AKT3: variants seen among roughly 807,000 people sequenced by gnomAD.
AKT3 encodes RAC-gamma serine/threonine-protein kinase.
AKT3 carries 15 observed loss-of-function variants against 65.3 expected under a neutral mutation model. That is an observed-to-expected ratio of 0.23 (90% CI 0.15 to 0.35). AKT3 has a LOEUF of 0.35. Ranked by LOEUF, AKT3 falls within the 10% of genes least tolerant of loss-of-function variation. The pLI is 1.00. For synonymous variants in AKT3, 206 were observed against 183.8 expected, an observed-to-expected ratio of 1.12 and a Z score of -0.98; for missense variants, 243 against 576.5, an observed-to-expected ratio of 0.42 and a Z score of 5.92.
intron 2 of AKT3, among the ~76,000 whole-genome samples, chr1:243,816,251 C>T (rs1158360127): frequency 2.0e-5 from 3 of 152,112 alleles, no homozygotes; most frequent in Non-Finnish European, 1.5e-5. Flanking sequence ...GTTTGAATTG[C>T]TTTTTGAACT....
At chr1:243,783,477 G>T (rs1458067024) in intron 2 of AKT3, among the ~76,000 whole-genome samples, 1 of 152,088 alleles carries the variant, frequency 6.6e-6, no homozygotes, top group Non-Finnish European at 1.5e-5. Flanking sequence ...TCTTCATCTG[G>T]ACTAGGTATA....
At chr1:243,711,599 G>A (rs12143245) in intron 2 of AKT3, among the ~76,000 whole-genome samples, 10,448 of 152,142 alleles carry the variant, frequency 0.069, 490 homozygotes, top group East Asian at 0.18. Flanking sequence ...TACTCCAATT[G>A]TAATAGCTAC....
chr1:243,542,841 T>G (rs938336318), intron 12 of AKT3, among the ~76,000 whole-genome samples: 1 of 152,110 alleles, frequency 6.6e-6, no homozygotes, highest in Non-Finnish European at 1.5e-5. Context: ...AATTTAAAAG[T>G]GCTGCTATAA....
In AKT3 at chr1:243,617,619, C is replaced by T. The variant is rs564482208; in HGVS notation, c.562-2458G>A. Among the ~76,000 whole-genome samples the T allele has an allele frequency of 5.9e-5, 9 of 152,108 alleles. No homozygotes were observed. The South Asian group carries it at 1.9e-3, about 32-fold the overall frequency. ...AGTGGAGGTTATCCACTATTGTCAA[C>T]GGGGCTGTAAGGGAGAACCAATGCT... On this transcript the variant is annotated intron_variant, in intron 6 of 13. Transcript: ENST00000673466.
chr1:243,603,795 A>G (rs1677191917), intron 8 of AKT3, among the ~76,000 whole-genome samples: 2 of 152,102 alleles, frequency 1.3e-5, no homozygotes, highest in African/African-American at 4.8e-5. Context: ...AGGAAATCAT[A>G]TGATACTTCT....
chr1:243,736,636 T>C (rs530196443), intron 2 of AKT3, among the ~76,000 whole-genome samples: 4 of 152,274 alleles, frequency 2.6e-5, no homozygotes, highest in Admixed American at 6.5e-5. Flanking sequence ...AATGGTATTA[T>C]ACAGCAATCT....
chr1:243,850,391 A>G (rs1695728503), upstream of AKT3, among the ~76,000 whole-genome samples: 1 of 150,846 alleles, frequency 6.6e-6, no homozygotes, highest in Non-Finnish European at 1.5e-5. Flanking sequence ...GGAATCGGAT[A>G]TCGGCTACAA....
chr1:243,651,973 G>A (rs1399070526), intron 4 of AKT3, among the ~76,000 whole-genome samples: 8 of 152,066 alleles, frequency 5.3e-5, no homozygotes, highest in South Asian at 4.1e-4. Flanking sequence ...GACTAACAGC[G>A]GATCTCTCTG....
chr1:243,642,606 G>A (rs1170102478), intron 5 of AKT3, among the ~76,000 whole-genome samples: 4 of 152,226 alleles, frequency 2.6e-5, no homozygotes, highest in East Asian at 1.9e-4. Flanking sequence ...ACCACGCCCA[G>A]CCACAGTAAG....
intron 2 of AKT3, among the ~76,000 whole-genome samples, chr1:243,786,880 T>C (rs769502064): frequency 1.5e-4 from 23 of 152,020 alleles, no homozygotes; most frequent in Admixed American, 1.3e-4. Flanking sequence ...GCTCTGCTAC[T>C]GACATGCTAA....
chr1:243,766,219 T>A (rs1003459984), intron 2 of AKT3, among the ~76,000 whole-genome samples: 11 of 152,172 alleles, frequency 7.2e-5, no homozygotes, highest in African/African-American at 2.4e-4. Context: ...TACATATATG[T>A]GCACTGCTCT....
At chr1:243,696,543 T>A (rs938235244) in intron 2 of AKT3, among the ~76,000 whole-genome samples, 7 of 152,022 alleles carry the variant, frequency 4.6e-5, no homozygotes. Context: ...CTATCTGGTA[T>A]TGATTCAGTT....
chr1:243,659,144 T>C (rs183308237), intron 4 of AKT3, among the ~76,000 whole-genome samples: 1 of 152,318 alleles, frequency 6.6e-6, no homozygotes, highest in Admixed American at 6.5e-5. Context: ...TTGAAGACAT[T>C]ATACTAAGGG....
chr1:243,685,352 G>T (rs1024851162), intron 3 of AKT3, among the ~76,000 whole-genome samples: 13 of 152,112 alleles, frequency 8.5e-5, no homozygotes, highest in Non-Finnish European at 1.8e-4. Context: ...GTTAATTTGT[G>T]CATAAAGTGT....
At chr1:243,523,978 T>C (rs145554588) in intron 12 of AKT3, among the ~76,000 whole-genome samples, 58 of 152,328 alleles carry the variant, frequency 3.8e-4, no homozygotes, top group Middle Eastern at 6.8e-3. Context: ...TCAAACATCA[T>C]GGAGAGTACT....
At chr1:243,753,536 T>TA (rs892691554) in intron 2 of AKT3, among the ~76,000 whole-genome samples, 2 of 152,164 alleles carry the variant, frequency 1.3e-5, no homozygotes, top group African/African-American at 2.4e-5. Context: ...CTGTTTTCAA[T>TA]AAAAAACTTC....
chr1:243,515,398 A>C (rs1670286198), intron 12 of AKT3, among the ~76,000 whole-genome samples: 2 of 152,074 alleles, frequency 1.3e-5, no homozygotes. Context: ...TAAAAAAAAA[A>C]AAAACCCAAT....
chr1:243,521,757 G>A (rs971039061), intron 12 of AKT3, among the ~76,000 whole-genome samples: 20 of 152,160 alleles, frequency 1.3e-4, no homozygotes, highest in African/African-American at 4.8e-4. Flanking sequence ...GACATTAAAT[G>A]TTTAATTAAT....
intron 8 of AKT3, among the ~76,000 whole-genome samples, chr1:243,599,926 A>G (rs1433311102): frequency 2.0e-5 from 3 of 152,142 alleles, no homozygotes; most frequent in Non-Finnish European, 2.9e-5. Flanking sequence ...GAAATCCAAT[A>G]TATTTACAAT....
Sources: allele counts gnomAD v4.1 joint callset (sites outside exome capture counted in the v4.1 genomes callset), GRCh38; gene constraint gnomAD v4.1.1; transcripts MANE v1.5; gene names NCBI Gene and HGNC (gene_info 2026-07-23, HGNC 2026-07-21).